CDK8: variants seen among roughly 807,000 people sequenced by gnomAD.
The protein encoded by CDK8 is cyclin dependent kinase 8.
CDK8 carries 29 observed loss-of-function variants against 71.5 expected under a neutral mutation model. The ratio of observed to expected loss-of-function variants is 0.41; its 90% CI spans 0.30 to 0.55. CDK8 has a LOEUF of 0.55. Among genes scored for constraint, CDK8 ranks in the 20% least tolerant of loss-of-function variants. The pLI is 0.37. For missense variants in CDK8, 288 were observed against 572.6 expected (o/e 0.50, Z 5.07); for synonymous variants, 161 against 192.1 (o/e 0.84, Z 1.34).
In CDK8 at chr13:26,254,521, C is replaced by G. The variant is rs1450946560; in HGVS notation, c.-121C>G. ...TCTTGCCGCATCAGTCGGGCTGGTG[C>G]TGCGGCCGGCGGGCGTAGAGCGGGC... On this transcript the variant is annotated 5_prime_UTR_variant, in exon 1 of 13. Coordinates refer to ENST00000381527, the MANE Select transcript of CDK8 (RefSeq NM_001260.3). The surrounding 1 kb of genome is among the most constrained non-coding windows in gnomAD (Gnocchi z 6.7). The G allele has an allele frequency of 1.3e-6, 1 of 767,178 alleles. No homozygotes were observed. The highest frequency in any genetic ancestry group is 2.7e-5 in the Admixed American group (1 of 36,680). 47.5% of individuals were successfully genotyped at this position (767,178 alleles called of 1,614,324 possible). A position where few individuals can be genotyped will look rare whatever the true frequency, so the allele number is the denominator to read the frequency against.
Position 26,391,737 on chromosome 13 carries a change from T to G in CDK8, c.647-1630T>G, listed in dbSNP as rs553218934. 2.0e-5 allele frequency among the ~76,000 whole-genome samples: 3 copies of G among 152,354 alleles called. No homozygotes were observed. In the East Asian group the frequency reaches 5.8e-4, roughly 29 times the overall value. ...TGGCCTATGTTTCTTGATGAGACTT[T>G]TCCATATGATGGTATTGGCTAGGCT... On this transcript the variant is annotated intron_variant, in intron 6 of 12. Transcript: ENST00000381527.
chr13:26,307,341 GAGA>G (rs1874091379), intron 1 of CDK8, among the ~76,000 whole-genome samples: 1 of 152,174 alleles, frequency 6.6e-6, no homozygotes, highest in South Asian at 2.1e-4. Flanking sequence ...AGAAAAGTCA[GAGA>G]AGGAGGTATG....
At chr13:26,364,150 T>A (rs1874273667) in intron 4 of CDK8, among the ~76,000 whole-genome samples, 1 of 152,176 alleles carries the variant, frequency 6.6e-6, no homozygotes, top group South Asian at 2.1e-4. Context: ...GACTACCGAA[T>A]TTAGGATTTT....
chr13:26,293,643 G>A (rs1348836356), intron 1 of CDK8, among the ~76,000 whole-genome samples: 12 of 150,126 alleles, frequency 8.0e-5, no homozygotes, highest in Non-Finnish European at 1.5e-4. Flanking sequence ...TATTTATGGT[G>A]TCAACATGGT....
At chr13:26,338,607 T>C (rs1465508988) in intron 2 of CDK8, among the ~76,000 whole-genome samples, 3 of 151,928 alleles carry the variant, frequency 2.0e-5, no homozygotes, top group African/African-American at 7.2e-5. Flanking sequence ...AGAATAGGGG[T>C]GAGATGGAGG....
chr13:26,392,871 C>G (rs1005057161), intron 6 of CDK8, among the ~76,000 whole-genome samples: 4 of 152,038 alleles, frequency 2.6e-5, no homozygotes, highest in Middle Eastern at 6.8e-3. Flanking sequence ...TGCAAATTAG[C>G]AAGTAAATAA....
At chr13:26,312,602 T>C (rs962596367) in intron 1 of CDK8, among the ~76,000 whole-genome samples, 5 of 151,766 alleles carry the variant, frequency 3.3e-5, no homozygotes, top group Non-Finnish European at 7.4e-5. Context: ...TCTGAACATC[T>C]GAAGGAACAA....
At chr13:26,310,235 G>C (rs1874222924) in intron 1 of CDK8, among the ~76,000 whole-genome samples, 1 of 152,168 alleles carries the variant, frequency 6.6e-6, no homozygotes, top group Admixed American at 6.5e-5. Context: ...TCTGCTCTCT[G>C]TGTGTGCATT....
At chr13:26,370,601 C>T (rs895922246) in intron 4 of CDK8, among the ~76,000 whole-genome samples, 1 of 152,154 alleles carries the variant, frequency 6.6e-6, no homozygotes, top group African/African-American at 2.4e-5. Flanking sequence ...TAACAGTGTT[C>T]TGAAAGAGTT....
At chr13:26,361,014 A>C (rs1308992340) in intron 4 of CDK8, among the ~76,000 whole-genome samples, 1 of 152,180 alleles carries the variant, frequency 6.6e-6, no homozygotes, top group Non-Finnish European at 1.5e-5. Context: ...CTCTCTTCTT[A>C]TACGCAATAT....
At chr13:26,341,807 A>G (rs1221803979) in intron 2 of CDK8, among the ~76,000 whole-genome samples, 1 of 151,052 alleles carries the variant, frequency 6.6e-6, no homozygotes, top group Non-Finnish European at 1.5e-5. Context: ...TTACATAGTC[A>G]AAACAGTAAT....
At chr13:26,337,047 A>G (rs975224414) in intron 1 of CDK8, among the ~76,000 whole-genome samples, 3 of 143,470 alleles carry the variant, frequency 2.1e-5, no homozygotes, top group African/African-American at 7.4e-5. Flanking sequence ...CTGGGTACAT[A>G]GTAAGTGTTC....
intron 1 of CDK8, among the ~76,000 whole-genome samples, chr13:26,298,648 C>T (rs1873676575): frequency 6.6e-6 from 1 of 152,082 alleles, no homozygotes; most frequent in Non-Finnish European, 1.5e-5. Flanking sequence ...AGGATATAGT[C>T]AAAACCCACA....
rs144379543 is a variant in CDK8 at position 26,285,810 on chromosome 13, G to A, written c.128+31041G>A. Among the ~76,000 whole-genome samples, 1,059 of 152,208 alleles carry A rather than the reference G, an allele frequency of 7.0e-3. 16 individuals carry two copies. The highest frequency in any genetic ancestry group is 0.023 in the African/African-American group (942 of 41,514). ...TAAAGTTTCAGGATACAAAATCAGC[G>A]TACACAAATCAGAAGCATTGCTAAA... is the stretch of plus-strand genomic sequence containing the variant. On this transcript the variant is annotated intron_variant, in intron 1 of 12. Coordinates refer to ENST00000381527, the MANE Select transcript of CDK8 (RefSeq NM_001260.3).
At position 26,401,811 on chromosome 13, in the gene CDK8, C is replaced by T. The variant is rs1032596317; in HGVS notation, c.1269+187C>T. Among the ~76,000 whole-genome samples the T allele has an allele frequency of 1.3e-5, 2 of 152,148 alleles. No homozygotes were observed. Among genetic ancestry groups the T allele is most frequent in the Non-Finnish European group, 2.9e-5 (2 of 68,040 alleles). On this transcript the variant is annotated intron_variant, in intron 12 of 12. Coordinates refer to ENST00000381527, the MANE Select transcript of CDK8 (RefSeq NM_001260.3). This position sits in a 1 kb window ranked among gnomAD's most constrained non-coding sequence, Gnocchi z 4.5. ...GGTAGCAAGGGTTTAGACTTTTGAA[C>T]CAGACTTGGAATGATCAAATACAAA...
intron 1 of CDK8, among the ~76,000 whole-genome samples, chr13:26,322,172 A>G (rs1874807551): frequency 6.6e-6 from 1 of 152,160 alleles, no homozygotes; most frequent in African/African-American, 2.4e-5. Flanking sequence ...GGGAAATGAC[A>G]TGGTTTCCTC....
chr13:26,303,625 C>T (rs1186542804), intron 1 of CDK8, among the ~76,000 whole-genome samples: 3 of 152,126 alleles, frequency 2.0e-5, no homozygotes, highest in African/African-American at 7.2e-5. Flanking sequence ...TCACTTTTGC[C>T]AGCCAGAGAA....
intron 1 of CDK8, among the ~76,000 whole-genome samples, chr13:26,255,684 G>T (rs1359476345): frequency 1.3e-5 from 2 of 152,150 alleles, no homozygotes; most frequent in African/African-American, 4.8e-5. Flanking sequence ...TTGTAAAATG[G>T]ATGTTGTCTC....
intron 1 of CDK8, among the ~76,000 whole-genome samples, chr13:26,290,536 T>C (rs1222436157): frequency 6.6e-6 from 1 of 151,934 alleles, no homozygotes; most frequent in Non-Finnish European, 1.5e-5. Context: ...GCAATTGGAG[T>C]GTGGTTGCTG....
Sources: allele counts gnomAD v4.1 joint callset (sites outside exome capture counted in the v4.1 genomes callset), GRCh38; gene constraint gnomAD v4.1.1; non-coding constraint Gnocchi (gnomAD v3.1); transcripts MANE v1.5; gene names NCBI Gene and HGNC (gene_info 2026-07-23, HGNC 2026-07-21).